The following SCYL3 variants were observed in gnomAD, a reference collection of about 807,000 sequenced individuals.
SCYL3 encodes protein-associating with the carboxyl-terminal domain of ezrin.
In SCYL3, 35 loss-of-function variants were observed where a neutral mutation model predicts 73.8. The ratio of observed to expected loss-of-function variants is 0.47; its 90% CI spans 0.36 to 0.63. The LOEUF (loss-of-function observed/expected upper bound fraction) is 0.63, where lower values mean the gene tolerates loss of function less well. Among genes scored for constraint, SCYL3 ranks in the 20% least tolerant of loss-of-function variants. The pLI is 0.00. For synonymous variants in SCYL3, 277 were observed against 295.2 expected (o/e 0.94, Z 0.63); for missense variants, 712 against 798.9 (o/e 0.89, Z 1.31).
At chr1:169,855,727 T>C in intron 11 of SCYL3, 5 of 1,447,382 alleles carry the variant, frequency 3.5e-6, no homozygotes, top group Admixed American at 2.2e-5. Flanking sequence ...AAAACACCCA[T>C]AAGCTTATTA....
chr1:169,856,947 A>G (rs1272701802), intron 11 of SCYL3, among the ~76,000 whole-genome samples: 2 of 152,202 alleles, frequency 1.3e-5, no homozygotes, highest in Non-Finnish European at 2.9e-5. Flanking sequence ...AAATGTCTCC[A>G]TGTTACCAAC....
In SCYL3 at chr1:169,852,765, G is replaced by T; in HGVS notation, c.*948C>A. On this transcript the variant is annotated 3_prime_UTR_variant, in exon 13 of 13. Coordinates refer to ENST00000367771, the MANE Select transcript of SCYL3 (RefSeq NM_020423.7). ...TCTTTATATTTAGAATGGATATTGT[G>T]ATATTACTTATGTTTTTTTTCCAGC... 1 of 1,609,488 alleles carries T rather than the reference G, an allele frequency of 6.2e-7. No homozygotes were observed. Among genetic ancestry groups the T allele is most frequent in the Non-Finnish European group, 8.5e-7 (1 of 1,176,662 alleles).
In SCYL3 at chr1:169,850,072, A is replaced by G; in HGVS notation, c.*3641T>C. On this transcript the variant is annotated 3_prime_UTR_variant, in exon 13 of 13. Coordinates refer to ENST00000367771, the MANE Select transcript of SCYL3 (RefSeq NM_020423.7). ...CCAGCAGAAGTAATTAAAGCTTACA[A>G]CACTTGTACAGAAGTTAATTTTGTA... 1.7e-6 allele frequency: 1 copy of G among 575,794 alleles called. No individual in the cohort carries two copies. Among genetic ancestry groups the G allele is most frequent in the Non-Finnish European group, 3.1e-6 (1 of 323,830 alleles). 35.7% of individuals were successfully genotyped at this position (575,794 alleles called of 1,614,324 possible). A position where few individuals can be genotyped will look rare whatever the true frequency, so the allele number is the denominator to read the frequency against.
In SCYL3 at chr1:169,851,958, G is replaced by A; in HGVS notation, c.*1755C>T. The stretch of plus-strand genomic sequence containing the variant: ...ACAGGTATGGGCTGATTTCAATAGG[G>A]GCCAAACTTTAACAAGGCAAATTCT... On this transcript the variant is annotated 3_prime_UTR_variant, in exon 13 of 13. Transcript: ENST00000367771. 1 of 1,613,788 alleles carries A rather than the reference G, an allele frequency of 6.2e-7. No individual in the cohort carries two copies. The highest frequency in any genetic ancestry group is 8.5e-7 in the Non-Finnish European group (1 of 1,179,854).
At chr1:169,876,957 A>AT in intron 3 of SCYL3, among the ~76,000 whole-genome samples, 1 of 126,524 alleles carries the variant, frequency 7.9e-6, no homozygotes, top group African/African-American at 3.0e-5. Flanking sequence ...CTTGTCTCAA[A>AT]TAAAAAAAAA....
intron 3 of SCYL3, among the ~76,000 whole-genome samples, chr1:169,878,253 A>T (rs1359143932): frequency 2.0e-5 from 3 of 152,264 alleles, no homozygotes; most frequent in African/African-American, 7.2e-5. Context: ...AAAATGGGAC[A>T]CAACTCCTGA....
chr1:169,853,860 A>ATT, intron 12 of SCYL3, 88 bp from the exon 13 acceptor site: 1 of 1,472,008 alleles, frequency 6.8e-7, no homozygotes, highest in Non-Finnish European at 9.4e-7. Context: ...GGAATTTAAA[A>ATT]TTTATCTTTT....
intron 2 of SCYL3, among the ~76,000 whole-genome samples, chr1:169,881,795 G>C (rs1481882301): frequency 6.6e-6 from 1 of 152,152 alleles, no homozygotes; most frequent in Non-Finnish European, 1.5e-5. Context: ...GACCAGGGGT[G>C]GGGGGATTAT....
chr1:169,878,536 T>A (rs1639813622), intron 3 of SCYL3, 98 bp downstream of exon 3: 10 of 1,084,416 alleles, frequency 9.2e-6, no homozygotes, highest in African/African-American at 1.6e-5. Context: ...AACTTACAAT[T>A]TCTATGAACA....
intron 1 of SCYL3, among the ~76,000 whole-genome samples, chr1:169,890,025 G>A (rs1661964321): frequency 6.6e-6 from 1 of 152,168 alleles, no homozygotes; most frequent in Admixed American, 6.5e-5. Context: ...CAAACTCACA[G>A]GGTGACAACA....
intron 11 of SCYL3, chr1:169,855,767 GA>G (rs1237115858): frequency 6.3e-7 from 1 of 1,594,694 alleles, no homozygotes. Context: ...CCAAGCAATG[GA>G]AAAGCTATAT....
rs1247636060 is a variant in SCYL3, at chr1:169,853,240, CAAAT to C, written c.*469_*472del. ...TTTACTCAGATAGTCTAACTGTAAA[CAAAT>C]AAATAAGCTGCCTAAGGAAACCTCA... On this transcript the variant is annotated 3_prime_UTR_variant, in exon 13 of 13. Transcript: ENST00000367771. The C allele has an allele frequency of 8.3e-5, 38 of 458,886 alleles. No homozygotes were observed. Among genetic ancestry groups the C allele is most frequent in the African/African-American group, 3.2e-4 (16 of 50,642 alleles). 28.4% of individuals were successfully genotyped at this position (458,886 alleles called of 1,614,324 possible).
intron 12 of SCYL3, 32 bp from the exon 13 acceptor site, chr1:169,853,804 C>A (rs750196068): frequency 6.2e-6 from 10 of 1,600,682 alleles, no homozygotes; most frequent in Admixed American, 5.4e-5. Flanking sequence ...CAAGAACCCA[C>A]TGAAACAAAT....
chr1:169,854,010 C>T (rs1658814362), intron 12 of SCYL3: 1 of 585,050 alleles, frequency 1.7e-6, no homozygotes. Context: ...GTGTGGATGA[C>T]ACCAAATCCT....
chr1:169,879,506 T>C lies in SCYL3; in HGVS notation c.166-687A>G, dbSNP rs182442869. 3.3e-5 allele frequency among the ~76,000 whole-genome samples: 5 copies of C among 152,284 alleles called. No homozygotes were observed. In the East Asian group the frequency reaches 7.7e-4, roughly 23 times the overall value. On this transcript the variant is annotated intron_variant, in intron 2 of 12. Transcript: ENST00000367771. ...GAAACAGACAGGTTGCAAATACCAT[T>C]CACAGGAAGAGTAAGAGGAACTAGT...
At chr1:169,889,119 T>C (rs1661881081) in intron 1 of SCYL3, among the ~76,000 whole-genome samples, 1 of 152,080 alleles carries the variant, frequency 6.6e-6, no homozygotes, top group Non-Finnish European at 1.5e-5. Flanking sequence ...GTAGTTACTG[T>C]CCCTCCCCAA....
At chr1:169,854,988 A>T in intron 11 of SCYL3, 24 bp from the exon 12 acceptor site, 1 of 1,502,750 alleles carries the variant, frequency 6.7e-7, no homozygotes, top group Non-Finnish European at 9.1e-7. Context: ...AATTATTCTC[A>T]TAAAATACTG....
At chr1:169,858,857 T>A (rs1558119180) in intron 11 of SCYL3, among the ~76,000 whole-genome samples, 184 bp downstream of exon 11, 1 of 151,204 alleles carries the variant, frequency 6.6e-6, no homozygotes, top group Non-Finnish European at 1.5e-5. Context: ...TTTGCAAGCT[T>A]AAAAAAAAAG....
chr1:169,871,546 T>C (rs1004119368), intron 5 of SCYL3, among the ~76,000 whole-genome samples: 1 of 152,128 alleles, frequency 6.6e-6, no homozygotes, highest in Non-Finnish European at 1.5e-5. Flanking sequence ...GAGTGGGGCG[T>C]TGCTGAAAAG....
Sources: gnomAD v4.1 joint callset for allele counts (sites outside exome capture counted in the v4.1 genomes callset) on GRCh38, gnomAD v4.1.1 for gene constraint, MANE v1.5 for transcripts, NCBI Gene and HGNC (gene_info 2026-07-23, HGNC 2026-07-21) for gene names.